CACNA2D3: variants seen among roughly 807,000 people sequenced by gnomAD.
CACNA2D3 encodes the protein calcium voltage-gated channel auxiliary subunit alpha2delta 3, also known as voltage-dependent calcium channel subunit alpha-2/delta-3.
A neutral mutation model predicts 160.6 loss-of-function variants in CACNA2D3; 60 were observed. The observed-to-expected ratio is 0.37, with a 90% CI of 0.30 to 0.46. The LOEUF is 0.46. Among genes scored for constraint, CACNA2D3 ranks in the 20% least tolerant of loss-of-function variants. The pLI is 1.00. For missense variants in CACNA2D3, 1,205 were observed against 1,365.0 expected, an observed-to-expected ratio of 0.88 and a Z score of 1.85; for synonymous variants, 558 against 492.9, an observed-to-expected ratio of 1.13 and a Z score of -1.75.
chr3:54,546,599 A>G lies in CACNA2D3; in HGVS notation c.545-16201A>G, dbSNP rs558237073. On this transcript the variant is annotated intron_variant, in intron 5 of 37. Transcript: ENST00000474759. The stretch of plus-strand genomic sequence containing the variant: ...CATGTGAAGGCTGGCTAATTATTAA[A>G]AGAAGGTGTTTAATGTTTTTTGAAA... Among the ~76,000 whole-genome samples the G allele has an allele frequency of 9.2e-5, 14 of 152,324 alleles. No homozygotes were observed. The South Asian group carries it at 2.9e-3, about 32-fold the overall frequency.
intron 4 of CACNA2D3, among the ~76,000 whole-genome samples, chr3:54,501,182 T>G (rs573963033): frequency 6.6e-6 from 1 of 152,308 alleles, no homozygotes; most frequent in African/African-American, 2.4e-5. Flanking sequence ...CACTTATTAC[T>G]GTCACATTGG....
In CACNA2D3 at chr3:54,148,127, G is replaced by A. The variant is rs569536836; in HGVS notation, c.204+24533G>A. 9.2e-5 allele frequency among the ~76,000 whole-genome samples: 14 copies of A among 152,300 alleles called. No individual in the cohort carries two copies. The South Asian group carries it at 2.1e-3, about 23-fold the overall frequency. ...GAAGGTTTTTATGCCACTGGCTTCCGCGATGGCCCAAACATGCTCCTTGAC... is the reference window on the plus strand; with the variant it reads ...GAAGGTTTTTATGCCACTGGCTTCCACGATGGCCCAAACATGCTCCTTGAC... On this transcript the variant is annotated intron_variant, in intron 2 of 37. Coordinates refer to ENST00000474759, the MANE Select transcript of CACNA2D3 (RefSeq NM_018398.3).
At chr3:54,980,231 A>C (rs1702477392) in intron 29 of CACNA2D3, among the ~76,000 whole-genome samples, 1 of 152,224 alleles carries the variant, frequency 6.6e-6, no homozygotes, top group African/African-American at 2.4e-5. Flanking sequence ...TAAGATTTTC[A>C]TAAACCTTGT....
intron 11 of CACNA2D3, among the ~76,000 whole-genome samples, chr3:54,689,476 C>T (rs1391806692): frequency 6.6e-6 from 1 of 152,080 alleles, no homozygotes; most frequent in East Asian, 1.9e-4. Flanking sequence ...ATCAAATTGC[C>T]TCCCTGCATC....
chr3:54,232,720 G>A (rs1701797686), intron 2 of CACNA2D3, among the ~76,000 whole-genome samples: 1 of 152,120 alleles, frequency 6.6e-6, no homozygotes, highest in Non-Finnish European at 1.5e-5. Flanking sequence ...TTCTTGAACT[G>A]CAGCTGTAGA....
intron 27 of CACNA2D3, among the ~76,000 whole-genome samples, chr3:54,952,371 C>T (rs1387215314): frequency 6.6e-6 from 1 of 152,114 alleles, no homozygotes; most frequent in Non-Finnish European, 1.5e-5. Context: ...CAGAGGGAGG[C>T]CGCAAACATG....
intron 11 of CACNA2D3, among the ~76,000 whole-genome samples, chr3:54,727,992 GTTT>G (rs759262527): frequency 2.7e-5 from 4 of 150,458 alleles, no homozygotes; most frequent in Non-Finnish European, 6.0e-5. Context: ...TTTTTAGTAT[GTTT>G]TTTTCTTTAG....
intron 27 of CACNA2D3, among the ~76,000 whole-genome samples, chr3:54,916,715 C>T (rs777988137): frequency 6.6e-5 from 10 of 152,144 alleles, no homozygotes; most frequent in Non-Finnish European, 1.2e-4. Context: ...GATAGGTTCA[C>T]CCGTTTCCCT....
intron 9 of CACNA2D3, among the ~76,000 whole-genome samples, chr3:54,585,690 T>TA (rs1702748403): frequency 6.6e-6 from 1 of 152,164 alleles, no homozygotes; most frequent in African/African-American, 2.4e-5. Flanking sequence ...CTGCCCTTTA[T>TA]AAAATCATCA....
At chr3:54,391,560 G>T (rs1243847409) in intron 4 of CACNA2D3, among the ~76,000 whole-genome samples, 1 of 151,266 alleles carries the variant, frequency 6.6e-6, no homozygotes, top group African/African-American at 2.4e-5. Flanking sequence ...ACCCAGACCG[G>T]AGTGCAGTGG....
At chr3:54,673,083 T>C (rs1700187588) in intron 11 of CACNA2D3, among the ~76,000 whole-genome samples, 1 of 152,206 alleles carries the variant, frequency 6.6e-6, no homozygotes. Flanking sequence ...TGAAGTCCTT[T>C]AGGGATATTT....
intron 4 of CACNA2D3, among the ~76,000 whole-genome samples, chr3:54,445,151 G>T (rs1700201340): frequency 6.6e-6 from 1 of 152,220 alleles, no homozygotes. Context: ...AGGGATATAG[G>T]CAGGGGATGG....
chr3:54,715,553 T>A (rs1275490718), intron 11 of CACNA2D3, among the ~76,000 whole-genome samples: 1 of 151,908 alleles, frequency 6.6e-6, no homozygotes, highest in Non-Finnish European at 1.5e-5. Flanking sequence ...AAATTTCCAG[T>A]CCTCTAATCA....
chr3:54,427,139 T>C (rs971591702), intron 4 of CACNA2D3, among the ~76,000 whole-genome samples: 7 of 152,194 alleles, frequency 4.6e-5, no homozygotes, highest in African/African-American at 1.7e-4. Flanking sequence ...GTATGTTTAC[T>C]TGGGCGTGAA....
rs1704895525 is a variant in CACNA2D3 at position 55,074,207 on chromosome 3, CACTG to C, written c.*7_*10del. Reference sequence around the variant, plus strand: ...GCTTTTGATGCTCTTCTCAAGGTGACACTGACTGAGATGTTCTCTTACTGACTGA... The same window carrying C: ...GCTTTTGATGCTCTTCTCAAGGTGACACTGAGATGTTCTCTTACTGACTGA... On this transcript the variant is annotated 3_prime_UTR_variant, in exon 38 of 38. Coordinates refer to ENST00000474759, the MANE Select transcript of CACNA2D3 (RefSeq NM_018398.3). The C allele has an allele frequency of 2.5e-6, 4 of 1,592,918 alleles. No individual in the cohort carries two copies. Among genetic ancestry groups the C allele is most frequent in the East Asian group, 2.2e-5 (1 of 44,846 alleles).
chr3:54,209,155 A>G (rs1416122192), intron 2 of CACNA2D3, among the ~76,000 whole-genome samples: 2 of 152,218 alleles, frequency 1.3e-5, no homozygotes, highest in Non-Finnish European at 2.9e-5. Context: ...GCCAAACCAT[A>G]TCAGAAGGGA....
chr3:54,794,726 A>G (rs1033528764), intron 13 of CACNA2D3, among the ~76,000 whole-genome samples: 3 of 151,476 alleles, frequency 2.0e-5, no homozygotes, highest in African/African-American at 4.8e-5. Flanking sequence ...TGGCTGCTCT[A>G]GGGTCATTTG....
chr3:54,320,255 C>G (rs1402484182), intron 2 of CACNA2D3, among the ~76,000 whole-genome samples, 187 bp from the exon 3 acceptor site: 2 of 152,184 alleles, frequency 1.3e-5, no homozygotes, highest in Non-Finnish European at 1.5e-5. Flanking sequence ...GAGCCAGAGT[C>G]AGTTTCATGC....
intron 13 of CACNA2D3, among the ~76,000 whole-genome samples, chr3:54,778,279 C>T (rs955441735): frequency 6.6e-6 from 1 of 152,148 alleles, no homozygotes; most frequent in Admixed American, 6.5e-5. Context: ...CCTTCTCCAA[C>T]ATTGGGGGTT....
Sources: allele counts gnomAD v4.1 joint callset (sites outside exome capture counted in the v4.1 genomes callset), GRCh38; gene constraint gnomAD v4.1.1; transcripts MANE v1.5; gene names NCBI Gene and HGNC (gene_info 2026-07-23, HGNC 2026-07-21).